The following NLGN1 variants were observed in gnomAD, a reference collection of about 807,000 sequenced individuals.
NLGN1 encodes the protein neuroligin 1, also known as neuroligin-1.
Under a neutral mutation model 65.5 loss-of-function variants are expected in NLGN1, and 12 were observed. The ratio of observed to expected loss-of-function variants is 0.18; its 90% CI spans 0.12 to 0.30. NLGN1 has a LOEUF of 0.30. NLGN1 is among the 10% of genes least tolerant of loss of function. The pLI is 1.00. For missense variants in NLGN1, 750 were observed against 1,007.1 expected (o/e 0.74, Z 3.46); for synonymous variants, 350 against 359.5 (o/e 0.97, Z 0.30).
chr3:174,134,749 A>G (rs1268298392), intron 4 of NLGN1, among the ~76,000 whole-genome samples: 1 of 152,158 alleles, frequency 6.6e-6, no homozygotes, highest in Non-Finnish European at 1.5e-5. Context: ...TGCCACCAGG[A>G]AAGTAAGGAC....
intron 4 of NLGN1, among the ~76,000 whole-genome samples, chr3:174,224,048 G>T (rs1176145424): frequency 6.6e-6 from 1 of 152,084 alleles, no homozygotes; most frequent in African/African-American, 2.4e-5. Context: ...TGAGAGTTCT[G>T]CTTATCTCTT....
intron 4 of NLGN1, among the ~76,000 whole-genome samples, chr3:174,273,810 T>C (rs147874893): frequency 1.3e-5 from 2 of 151,730 alleles, no homozygotes. Context: ...AGCACTTTCA[T>C]TTCTTCAAAT....
At chr3:173,455,764 A>G (rs909289378) in intron 2 of NLGN1, among the ~76,000 whole-genome samples, 6 of 152,106 alleles carry the variant, frequency 3.9e-5, no homozygotes, top group African/African-American at 7.2e-5. Flanking sequence ...GTGTGTGTAT[A>G]TATATATGTT....
At chr3:174,008,209 G>C (rs1724835453) in intron 4 of NLGN1, among the ~76,000 whole-genome samples, 1 of 152,030 alleles carries the variant, frequency 6.6e-6, no homozygotes, top group Non-Finnish European at 1.5e-5. Context: ...AGAGGAAAAA[G>C]ATTAATAGAA....
intron 4 of NLGN1, among the ~76,000 whole-genome samples, chr3:173,884,943 A>G (rs1451865683): frequency 6.6e-6 from 1 of 152,114 alleles, no homozygotes; most frequent in African/African-American, 2.4e-5. Flanking sequence ...ACAGAGAGGT[A>G]AAGAAGGGAC....
exon 7 of NLGN1, chr3:174,281,316 AAC>A: frequency 3.2e-6 from 5 of 1,562,648 alleles, no homozygotes; most frequent in Non-Finnish European, 4.4e-6. Flanking sequence ...AGATAAGAGA[AAC>A]AAACTATTTT....
intron 4 of NLGN1, among the ~76,000 whole-genome samples, chr3:174,161,374 C>A (rs926889049): frequency 6.6e-6 from 1 of 151,734 alleles, no homozygotes; most frequent in South Asian, 2.1e-4. Context: ...TTAATTCATG[C>A]TATGTGCTTG....
At chr3:174,184,820 T>G (rs1332984516) in intron 4 of NLGN1, among the ~76,000 whole-genome samples, 1 of 152,032 alleles carries the variant, frequency 6.6e-6, no homozygotes, top group Non-Finnish European at 1.5e-5. Context: ...GGATTCAGAG[T>G]AGAAAAGTTC....
exon 3 of NLGN1, chr3:173,604,656 T>G: frequency 6.2e-7 from 1 of 1,613,714 alleles, no homozygotes; most frequent in South Asian, 1.1e-5. Context: ...GATGGCATGC[T>G]TGGTACACCG....
chr3:174,066,564 C>CTCTCTCTCTCTGTGTG (rs1553925385), intron 4 of NLGN1, among the ~76,000 whole-genome samples: 3 of 100,050 alleles, frequency 3.0e-5, no homozygotes, highest in African/African-American at 1.2e-4. Context: ...CTCTCTCTCT[C>CTCTCTCTCTCTGTGTG]TGTGTGTGTG....
intron 4 of NLGN1, among the ~76,000 whole-genome samples, chr3:173,911,514 G>A (rs1375766131): frequency 1.3e-5 from 2 of 152,180 alleles, no homozygotes; most frequent in African/African-American, 4.8e-5. Flanking sequence ...GGTTGAATCA[G>A]AGATTAGCTC....
In NLGN1 at chr3:174,036,162, C is replaced by T. The variant is rs962294225; in HGVS notation, c.646+228330C>T. ...TGTAAAATCTAGATCAGATTTAAAA[C>T]AAAATAAAACAAACTAGCAAATAGT... On this transcript the variant is annotated intron_variant, in intron 4 of 6. Coordinates refer to ENST00000457714, the Ensembl canonical transcript of NLGN1. Among the ~76,000 whole-genome samples, 7 of 152,194 alleles carry T rather than the reference C, an allele frequency of 4.6e-5. No individual in the cohort carries two copies. The East Asian group carries it at 1.3e-3, about 29-fold the overall frequency.
intron 4 of NLGN1, among the ~76,000 whole-genome samples, chr3:174,265,763 C>CTATATATATATG (rs1298436001): frequency 4.8e-5 from 6 of 125,666 alleles, no homozygotes; most frequent in African/African-American, 1.7e-4. Context: ...ACTAAGAAGG[C>CTATATATATATG]TATATATATA....
intron 1 of NLGN1, among the ~76,000 whole-genome samples, chr3:173,401,116 C>T (rs1717604298): frequency 1.3e-5 from 2 of 152,252 alleles, no homozygotes; most frequent in East Asian, 1.9e-4. Context: ...ACACTGTTGT[C>T]ATTGTGGGCT....
At chr3:173,490,362 A>G (rs1238633655) in intron 2 of NLGN1, among the ~76,000 whole-genome samples, 2 of 152,046 alleles carry the variant, frequency 1.3e-5, no homozygotes, top group Non-Finnish European at 2.9e-5. Flanking sequence ...TCCTTTCCCC[A>G]TTGCTTGTTT....
intron 1 of NLGN1, chr3:173,399,836 A>T (rs757998574): frequency 1.3e-5 from 2 of 152,150 alleles, no homozygotes; most frequent in African/African-American, 2.4e-5. Context: ...TTTTTATAAA[A>T]TTTTTCACAT....
chr3:173,904,457 CT>C (rs377707476), intron 4 of NLGN1, among the ~76,000 whole-genome samples: 96 of 150,806 alleles, frequency 6.4e-4, no homozygotes, highest in African/African-American at 2.2e-3. Context: ...ATTTTTCTTC[CT>C]TTTTTTTCTC....
At chr3:174,277,774 T>C (rs550870745) in intron 5 of NLGN1, among the ~76,000 whole-genome samples, 3 of 151,852 alleles carry the variant, frequency 2.0e-5, no homozygotes, top group African/African-American at 4.8e-5. Flanking sequence ...TTAAGAAAAA[T>C]CTAAAACTTT....
At chr3:173,682,634 G>A (rs1407893338) in intron 3 of NLGN1, among the ~76,000 whole-genome samples, 3 of 145,296 alleles carry the variant, frequency 2.1e-5, no homozygotes, top group Admixed American at 1.4e-4. Flanking sequence ...CATAAGCCAT[G>A]ATTTTCCATA....
Sources: gnomAD v4.1 joint callset for allele counts (sites outside exome capture counted in the v4.1 genomes callset) on GRCh38, gnomAD v4.1.1 for gene constraint, MANE v1.5 for transcripts, NCBI Gene and HGNC (gene_info 2026-07-23, HGNC 2026-07-21) for gene names.